The following MYH14 variants were observed in gnomAD, a reference collection of about 807,000 sequenced individuals.
MYH14 encodes the protein myosin-14.
A neutral mutation model predicts 255.5 loss-of-function variants in MYH14; 123 were observed. The observed-to-expected ratio is 0.48, with a 90% CI of 0.42 to 0.56. The LOEUF (loss-of-function observed/expected upper bound fraction) is 0.56, where lower values mean the gene tolerates loss of function less well. Ranked by LOEUF, MYH14 falls within the 20% of genes least tolerant of loss-of-function variation. The pLI is 0.00. For missense variants in MYH14, 2,423 were observed against 2,802.3 expected, an observed-to-expected ratio of 0.86 and a Z score of 3.06; for synonymous variants, 1,095 against 1,161.2, an observed-to-expected ratio of 0.94 and a Z score of 1.16.
chr19:50,259,161 A>T lies in MYH14; in HGVS notation c.2250A>T (p.Pro750=). 6.4e-7 allele frequency: 1 copy of T among 1,556,892 alleles called. No homozygotes were observed. Among genetic ancestry groups the T allele is most frequent in the Non-Finnish European group, 8.7e-7 (1 of 1,149,904 alleles). The change falls in exon 19 of 43, where the codon CCA becomes CCT. Residue 750 remains proline, a synonymous_variant. Transcript: ENST00000642316. ...NHEKRAGKLE[P]RLVLDQLRCN... is the part of the protein sequence containing the mutation. The stretch of plus-strand genomic sequence containing the variant: ...CTCCCCAGGCCGGGAAGCTGGAGCC[A>T]CGGCTGGTGCTGGACCAGCTTCGCT...
chr19:50,228,743 C>T (rs1408384700), intron 8 of MYH14, among the ~76,000 whole-genome samples: 2 of 152,154 alleles, frequency 1.3e-5, no homozygotes, highest in African/African-American at 2.4e-5. Flanking sequence ...CTTCTCTGTC[C>T]GCTTCCACCT....
chr19:50,265,775 C>T (rs768492491), intron 22 of MYH14, among the ~76,000 whole-genome samples: 5 of 151,946 alleles, frequency 3.3e-5, no homozygotes, highest in African/African-American at 4.8e-5. Flanking sequence ...GAGCCAAGAT[C>T]GCACCACTGC....
At chr19:50,222,958 C>A in intron 3 of MYH14, 125 bp from the exon 4 acceptor site, 1 of 964,196 alleles carries the variant, frequency 1.0e-6, no homozygotes, top group Non-Finnish European at 1.7e-6. Flanking sequence ...TGTTACACAT[C>A]AAGACCCAAG....
intron 33 of MYH14, chr19:50,284,890 TCTC>T (rs1280230994): frequency 1.3e-5 from 2 of 150,992 alleles, no homozygotes; most frequent in African/African-American, 2.4e-5. Flanking sequence ...TTCTTCTTCT[TCTC>T]CTCCTTCTTT....
At chr19:50,297,804 T>C (rs2036329284) in intron 39 of MYH14, among the ~76,000 whole-genome samples, 1 of 151,996 alleles carries the variant, frequency 6.6e-6, no homozygotes, top group South Asian at 2.1e-4. Context: ...CTGGCCCTCA[T>C]CTCCTCTTAA....
At chr19:50,244,409 T>C (rs2034014751) in intron 11 of MYH14, 72 bp downstream of exon 11, 1 of 1,175,126 alleles carries the variant, frequency 8.5e-7, no homozygotes, top group Non-Finnish European at 1.3e-6. Context: ...CCTGCACCCC[T>C]GTCCCACGTA....
chr19:50,233,969 C>T (rs2033538676), intron 10 of MYH14, among the ~76,000 whole-genome samples: 1 of 151,962 alleles, frequency 6.6e-6, no homozygotes, highest in Admixed American at 6.6e-5. Flanking sequence ...GCGTGTGTGC[C>T]ACCACACCCG....
chr19:50,243,619 C>A (rs993301107), intron 10 of MYH14, among the ~76,000 whole-genome samples: 1 of 152,168 alleles, frequency 6.6e-6, no homozygotes, highest in Admixed American at 6.6e-5. Context: ...CAGAGCAAGA[C>A]CCCATTCAAA....
chr19:50,294,875 G>A (rs1237669305), intron 39 of MYH14, among the ~76,000 whole-genome samples: 2 of 152,054 alleles, frequency 1.3e-5, no homozygotes, highest in Non-Finnish European at 2.9e-5. Context: ...GTTTTTCTGA[G>A]ACATTGAGTT....
chr19:50,281,892 C>G, intron 33 of MYH14, 50 bp downstream of exon 33: 1 of 1,579,546 alleles, frequency 6.3e-7, no homozygotes, highest in Non-Finnish European at 8.7e-7. Flanking sequence ...TCCATCTACG[C>G]TTCCCATGGT....
rs148582314 is a variant in MYH14, at chr19:50,231,696, G to C, written c.974-234G>C. On this transcript the variant is annotated intron_variant, in intron 9 of 42. Coordinates refer to ENST00000642316, the MANE Select transcript of MYH14 (RefSeq NM_001145809.2). The stretch of plus-strand genomic sequence containing the variant: ...TCACTGCACTGCAGCCTGGGCAACA[G>C]AGCAAGACCCTGTCTCTAAAAAATT... Among the ~76,000 whole-genome samples the C allele has an allele frequency of 6.0e-3, 889 of 148,484 alleles. 6 individuals carry two copies. The highest frequency in any genetic ancestry group is 9.5e-3 in the Non-Finnish European group (639 of 67,390).
At chr19:50,205,717 C>G (rs1233594164) in intron 1 of MYH14, among the ~76,000 whole-genome samples, 1 of 152,174 alleles carries the variant, frequency 6.6e-6, no homozygotes. Context: ...CTTCTGGGTC[C>G]TGGGGGAGGA....
chr19:50,275,867 G>A (rs2035484418), intron 27 of MYH14, 124 bp from the exon 28 acceptor site: 1 of 712,668 alleles, frequency 1.4e-6, no homozygotes, highest in Admixed American at 2.9e-5. Context: ...CCCAGTGGCA[G>A]AGAGAGGATT....
intron 34 of MYH14, among the ~76,000 whole-genome samples, chr19:50,287,319 A>G (rs188320429): frequency 4.7e-4 from 71 of 152,398 alleles, no homozygotes; most frequent in African/African-American, 1.7e-3. Flanking sequence ...GTGTTCACAC[A>G]CAGAATACAA....
chr19:50,267,153 G>A (rs2035117201), intron 23 of MYH14, 145 bp downstream of exon 23: 1 of 805,138 alleles, frequency 1.2e-6, no homozygotes. Context: ...GCAAAGCTAA[G>A]GTGTACTGAG....
At chr19:50,287,322 G>C (rs1477996155) in intron 34 of MYH14, among the ~76,000 whole-genome samples, 2 of 152,250 alleles carry the variant, frequency 1.3e-5, no homozygotes, top group Non-Finnish European at 2.9e-5. Flanking sequence ...TTCACACACA[G>C]AATACAAGAG....
chr19:50,288,261 A>G (rs773531507), intron 34 of MYH14, among the ~76,000 whole-genome samples: 2 of 152,136 alleles, frequency 1.3e-5, no homozygotes, highest in Admixed American at 6.5e-5. Flanking sequence ...TATTTTCCCA[A>G]CAACGTGCTT....
In MYH14 at chr19:50,302,604, A is replaced by C. The variant is rs574425310; in HGVS notation, c.5678+735A>C. ...TTTAAAAAAAAAAAAGAAAGAAAAA[A>C]AGAAAAGAAAAAGATGCCAGGCACG... On this transcript the variant is annotated intron_variant, in intron 40 of 42. Transcript: ENST00000642316. 3.0e-3 allele frequency among the ~76,000 whole-genome samples: 455 copies of C among 150,674 alleles called. 3 individuals are homozygous for C. The highest frequency in any genetic ancestry group is 0.011 in the African/African-American group (432 of 40,968).
At chr19:50,256,541 T>G (rs2034598711) in intron 17 of MYH14, among the ~76,000 whole-genome samples, 1 of 152,020 alleles carries the variant, frequency 6.6e-6, no homozygotes, top group South Asian at 2.1e-4. Context: ...CTGGCTTAAT[T>G]TTTTGTATTT....
Sources: allele counts gnomAD v4.1 joint callset (sites outside exome capture counted in the v4.1 genomes callset), GRCh38; gene constraint gnomAD v4.1.1; transcripts MANE v1.5; gene names NCBI Gene and HGNC (gene_info 2026-07-23, HGNC 2026-07-21).